Variants in CDH4 observed in about 807,000 individuals in gnomAD.
The protein encoded by CDH4 is cadherin 4.
Under a neutral mutation model 86.0 loss-of-function variants are expected in CDH4, and 33 were observed. The ratio of observed to expected loss-of-function variants is 0.38; its 90% CI spans 0.29 to 0.51. The LOEUF (loss-of-function observed/expected upper bound fraction) is 0.51. Ranked by LOEUF, CDH4 falls within the 20% of genes least tolerant of loss-of-function variation. The pLI is 0.86. For missense variants in CDH4, 1,114 were observed against 1,307.4 expected (o/e 0.85, Z 2.28); for synonymous variants, 555 against 549.4 (o/e 1.01, Z -0.14).
chr20:61,815,684 CT>C (rs1415474405), intron 4 of CDH4, among the ~76,000 whole-genome samples: 2 of 152,250 alleles, frequency 1.3e-5, no homozygotes, highest in African/African-American at 4.8e-5. Context: ...AGAGATTGTG[CT>C]TTCGACGCCC....
chr20:61,731,820 G>C (rs554500000), intron 2 of CDH4, among the ~76,000 whole-genome samples: 3 of 152,234 alleles, frequency 2.0e-5, no homozygotes, highest in Non-Finnish European at 2.9e-5. Context: ...TCCTCCACCC[G>C]ACTGTCACCC....
chr20:61,761,007 C>G (rs960586686), intron 3 of CDH4, among the ~76,000 whole-genome samples: 1 of 152,134 alleles, frequency 6.6e-6, no homozygotes, highest in Non-Finnish European at 1.5e-5. Flanking sequence ...CCTTAGCTAC[C>G]ATGGAAACCA....
intron 4 of CDH4, among the ~76,000 whole-genome samples, chr20:61,786,531 A>G (rs1264966018): frequency 1.3e-5 from 2 of 152,146 alleles, no homozygotes; most frequent in Non-Finnish European, 2.9e-5. Context: ...CCGCCCTCTC[A>G]TCCAAGCAGA....
chr20:61,905,912 C>T (rs1336503397), intron 8 of CDH4, among the ~76,000 whole-genome samples: 1 of 152,018 alleles, frequency 6.6e-6, no homozygotes, highest in African/African-American at 2.4e-5. Flanking sequence ...GCTGAGAAGT[C>T]TTGGAAAATC....
At chr20:61,527,945 T>C (rs1480424482) in intron 2 of CDH4, among the ~76,000 whole-genome samples, 1 of 152,166 alleles carries the variant, frequency 6.6e-6, no homozygotes, top group Non-Finnish European at 1.5e-5. Context: ...TTGAGAGTGG[T>C]GATGTCCCAT....
At chr20:61,772,953 C>T (rs1429499179) in intron 3 of CDH4, 50 bp from the exon 4 acceptor site, 16 of 1,547,660 alleles carry the variant, frequency 1.0e-5, no homozygotes, top group Admixed American at 1.8e-5. Context: ...TTCCTCTGTG[C>T]AAAACCTAAC....
chr20:61,696,229 C>T (rs762248314), intron 2 of CDH4, among the ~76,000 whole-genome samples: 3 of 152,214 alleles, frequency 2.0e-5, no homozygotes, highest in Non-Finnish European at 2.9e-5. Context: ...ATGAGAACCG[C>T]CCCCCACAAA....
chr20:61,469,250 T>C (rs1212243172), intron 2 of CDH4, among the ~76,000 whole-genome samples: 1 of 152,242 alleles, frequency 6.6e-6, no homozygotes, highest in Admixed American at 6.5e-5. Flanking sequence ...ATAAAATCCA[T>C]TTTAACTGGG....
intron 2 of CDH4, among the ~76,000 whole-genome samples, chr20:61,504,227 G>A (rs893851895): frequency 3.9e-5 from 6 of 152,230 alleles, no homozygotes; most frequent in Admixed American, 6.5e-5. Context: ...ACACTGGGGC[G>A]CGAGCCTCTG....
chr20:61,913,337 A>T (rs2054871419), intron 9 of CDH4, among the ~76,000 whole-genome samples: 1 of 152,192 alleles, frequency 6.6e-6, no homozygotes, highest in African/African-American at 2.4e-5. Flanking sequence ...TGCCCAGCCC[A>T]GGGGCTGGTG....
intron 2 of CDH4, among the ~76,000 whole-genome samples, chr20:61,304,180 A>T (rs925686801): frequency 4.6e-5 from 7 of 152,020 alleles, no homozygotes; most frequent in Non-Finnish European, 1.0e-4. Context: ...ATGAAGACGA[A>T]TCCTGGTTTT....
chr20:61,705,582 GCT>G (rs1460662439), intron 2 of CDH4, among the ~76,000 whole-genome samples: 1 of 152,086 alleles, frequency 6.6e-6, no homozygotes, highest in Admixed American at 6.5e-5. Context: ...TTCCAAGGAC[GCT>G]CTGTCAGGAG....
chr20:61,367,867 CTT>C (rs372521090), intron 2 of CDH4, among the ~76,000 whole-genome samples: 4 of 119,054 alleles, frequency 3.4e-5, no homozygotes, highest in Admixed American at 9.1e-5. Flanking sequence ...TCTCCAGGAT[CTT>C]TTTTTTTTTT....
rs1453545768 is a variant in CDH4 at position 61,589,933 on chromosome 20, G to GAGGA, written c.170-153630_170-153629insAGGA. 5.7e-4 allele frequency among the ~76,000 whole-genome samples: 86 copies of GAGGA among 152,204 alleles called. 1 individual carries two copies. In the South Asian group the frequency reaches 0.018, roughly 32 times the overall value. ...AGGATTAACAGGAGCGATGGGAATGGTGCTCCTTGAGAGGGGGCGGCCAGG... is the reference window on the plus strand; with the variant it reads ...AGGATTAACAGGAGCGATGGGAATGGAGGATGCTCCTTGAGAGGGGGCGGCCAGG... On this transcript the variant is annotated intron_variant, in intron 2 of 15. Coordinates refer to ENST00000614565, the MANE Select transcript of CDH4 (RefSeq NM_001794.5).
intron 4 of CDH4, among the ~76,000 whole-genome samples, chr20:61,818,011 C>T (rs1157679962): frequency 6.6e-6 from 1 of 152,090 alleles, no homozygotes; most frequent in Non-Finnish European, 1.5e-5. Context: ...CTGTCACCTG[C>T]ACTTTCTTTT....
chr20:61,333,057 G>A (rs370627507), intron 2 of CDH4, among the ~76,000 whole-genome samples: 1 of 152,224 alleles, frequency 6.6e-6, no homozygotes, highest in Non-Finnish European at 1.5e-5. Context: ...AAAGGGTGGC[G>A]CTTTTTGGCT....
chr20:61,736,334 C>T (rs1480504992), intron 2 of CDH4, among the ~76,000 whole-genome samples: 6 of 152,166 alleles, frequency 3.9e-5, no homozygotes, highest in African/African-American at 1.4e-4. Context: ...GGAATGTGCT[C>T]CCCACCCGAG....
chr20:61,731,164 C>A lies in CDH4; in HGVS notation c.170-12399C>A, dbSNP rs181514704. 8.6e-5 allele frequency among the ~76,000 whole-genome samples: 13 copies of A among 152,028 alleles called. No individual in the cohort carries two copies. In the East Asian group the frequency reaches 1.7e-3, roughly 20 times the overall value. ...AGCATGAGGGCGTCCGAGTCCCCCC[C>A]TCAGCCCTCAGCCCTGCCCTTGGCT... On this transcript the variant is annotated intron_variant, in intron 2 of 15. Coordinates refer to ENST00000614565, the MANE Select transcript of CDH4 (RefSeq NM_001794.5).
intron 2 of CDH4, among the ~76,000 whole-genome samples, chr20:61,460,197 A>G (rs901184171): frequency 1.3e-4 from 20 of 152,206 alleles, no homozygotes; most frequent in Non-Finnish European, 2.2e-4. Context: ...CATAATAAAC[A>G]CTGAATAGCC....
Sources: gnomAD v4.1 joint callset for allele counts (sites outside exome capture counted in the v4.1 genomes callset) on GRCh38, gnomAD v4.1.1 for gene constraint, MANE v1.5 for transcripts, NCBI Gene and HGNC (gene_info 2026-07-23, HGNC 2026-07-21) for gene names.